The following ANKRD45 variants were observed in gnomAD, a reference collection of about 807,000 sequenced individuals.
The protein encoded by ANKRD45 is ankyrin repeat domain 45, also known as ankyrin repeat domain-containing protein 45.
A neutral mutation model predicts 28.1 loss-of-function variants in ANKRD45; 21 were observed. The ratio of observed to expected loss-of-function variants is 0.75; its 90% CI spans 0.53 to 1.08. The LOEUF is 1.08. Ranked by LOEUF, ANKRD45 falls within the 50% of genes least tolerant of loss-of-function variation. ANKRD45 has a pLI of 0.00. For missense variants in ANKRD45, 261 were observed against 308.7 expected (o/e 0.85, Z 1.16); for synonymous variants, 86 against 103.9 (o/e 0.83, Z 1.05).
At chr1:173,666,273 G>C (rs1670013192) in intron 1 of ANKRD45, among the ~76,000 whole-genome samples, 1 of 152,048 alleles carries the variant, frequency 6.6e-6, no homozygotes, top group Non-Finnish European at 1.5e-5. Context: ...TGGCTCTCCT[G>C]GATCTCCAGC....
At chr1:173,627,817 C>T (rs1019152392) in intron 3 of ANKRD45, among the ~76,000 whole-genome samples, 1 of 151,952 alleles carries the variant, frequency 6.6e-6, no homozygotes, top group Non-Finnish European at 1.5e-5. Flanking sequence ...GTGCTTGCCA[C>T]CGCTCTGCCA....
intron 5 of ANKRD45, among the ~76,000 whole-genome samples, chr1:173,615,432 G>A (rs768349637): frequency 4.6e-5 from 7 of 151,394 alleles, no homozygotes; most frequent in East Asian, 1.9e-4. Flanking sequence ...GCTGAAGTGC[G>A]GTCTAGTGCT....
At chr1:173,635,368 G>T (rs1196656202) in intron 3 of ANKRD45, 2 of 626,120 alleles carry the variant, frequency 3.2e-6, no homozygotes, top group Admixed American at 6.0e-5. Context: ...GTTATATGAA[G>T]TGCTTTTATT....
intron 3 of ANKRD45, among the ~76,000 whole-genome samples, chr1:173,630,451 C>T (rs907184326): frequency 2.0e-5 from 3 of 152,112 alleles, no homozygotes; most frequent in African/African-American, 7.2e-5. Flanking sequence ...ATTTGTTTTT[C>T]TCTTTGCTTG....
the ANKRD45 span, among the ~76,000 whole-genome samples, chr1:173,699,921 C>T: frequency 6.6e-5 from 10 of 152,184 alleles, 1 homozygote; most frequent in South Asian, 4.2e-4. Flanking sequence ...TTTAGAAAAC[C>T]GCATCATCTC....
chr1:173,682,353 T>C, the ANKRD45 span, among the ~76,000 whole-genome samples: 1 of 152,146 alleles, frequency 6.6e-6, no homozygotes, highest in African/African-American at 2.4e-5. Context: ...AATAACTACT[T>C]AAGTCAGCAA....
intron 5 of ANKRD45, among the ~76,000 whole-genome samples, chr1:173,610,581 A>G (rs1228051603): frequency 6.6e-6 from 1 of 152,128 alleles, no homozygotes; most frequent in African/African-American, 2.4e-5. Context: ...CTTAGAGAAC[A>G]TGTGATATAG....
intron 5 of ANKRD45, among the ~76,000 whole-genome samples, chr1:173,621,402 C>A (rs1336968475): frequency 6.6e-6 from 1 of 152,118 alleles, no homozygotes; most frequent in Admixed American, 6.5e-5. Context: ...ATACAAAAAT[C>A]CTCAATAAAA....
At chr1:173,635,641 A>G in intron 3 of ANKRD45, 1 of 1,535,708 alleles carries the variant, frequency 6.5e-7, no homozygotes, top group Non-Finnish European at 8.7e-7. Context: ...TTCTTCCAGA[A>G]GAAGTACATT....
chr1:173,692,112 A>G, the ANKRD45 span, among the ~76,000 whole-genome samples: 1 of 152,182 alleles, frequency 6.6e-6, no homozygotes, highest in Non-Finnish European at 1.5e-5. Context: ...TGGAGTAGGT[A>G]GTCGAAAAAA....
chr1:173,713,937 A>T, the ANKRD45 span, among the ~76,000 whole-genome samples: 1 of 152,170 alleles, frequency 6.6e-6, no homozygotes, highest in African/African-American at 2.4e-5. Context: ...CAATCCCTAT[A>T]CCTTGATAAA....
At chr1:173,620,998 A>C (rs1400034438) in intron 5 of ANKRD45, among the ~76,000 whole-genome samples, 4 of 152,040 alleles carry the variant, frequency 2.6e-5, no homozygotes, top group Admixed American at 1.3e-4. Context: ...ATTCCACATC[A>C]AAACAACCAT....
intron 3 of ANKRD45, chr1:173,637,074 A>C (rs1455095437): frequency 7.8e-7 from 1 of 1,283,344 alleles, no homozygotes; most frequent in Non-Finnish European, 1.1e-6. Flanking sequence ...TCAATTATAG[A>C]TATCACAAAA....
Position 173,619,252 on chromosome 1 carries a change from A to G in ANKRD45, c.730+5535T>C, listed in dbSNP as rs192453130. The stretch of plus-strand genomic sequence containing the variant: ...AACAAGTCTGCAAAAATAACCAGCT[A>G]GCATCATGATGACAGGATCAAATTC... On this transcript the variant is annotated intron_variant, in intron 5 of 5. Coordinates refer to ENST00000333279, the MANE Select transcript of ANKRD45 (RefSeq NM_198493.3). Among the ~76,000 whole-genome samples the G allele has an allele frequency of 2.0e-3, 302 of 152,354 alleles. 2 individuals carry two copies. Among genetic ancestry groups the G allele is most frequent in the South Asian group, 1.9e-3 (9 of 4,830 alleles).
At position 173,608,507 on chromosome 1, in the gene ANKRD45, CAG is replaced by C. The variant is rs1382252634; in HGVS notation, c.*1636_*1637del. Among the ~76,000 whole-genome samples the C allele has an allele frequency of 6.6e-6, 1 of 151,824 alleles. No homozygotes were observed. Among genetic ancestry groups the C allele is most frequent in the African/African-American group, 2.4e-5 (1 of 41,344 alleles). On this transcript the variant is annotated 3_prime_UTR_variant, in exon 6 of 6. Transcript: ENST00000333279. The stretch of plus-strand genomic sequence containing the variant: ...TAAATTTTTGTATTTTTAGTAGAGA[CAG>C]GGTTTCACCATGTTGGCCAGGCTTG...
chr1:173,632,513 C>T (rs1016379203), intron 3 of ANKRD45, among the ~76,000 whole-genome samples: 4 of 149,252 alleles, frequency 2.7e-5, no homozygotes, highest in African/African-American at 4.9e-5. Context: ...ATATGAAAAC[C>T]GGACAAAGAC....
chr1:173,614,017 T>C (rs1487747702), intron 5 of ANKRD45, among the ~76,000 whole-genome samples: 1 of 152,174 alleles, frequency 6.6e-6, no homozygotes, highest in African/African-American at 2.4e-5. Flanking sequence ...CTCAGGGTTA[T>C]ATGGATTAAG....
chr1:173,670,749 G>A (rs989880540), upstream of ANKRD45, among the ~76,000 whole-genome samples: 1 of 152,180 alleles, frequency 6.6e-6, no homozygotes, highest in Non-Finnish European at 1.5e-5. Context: ...ATAATTGGTT[G>A]CAGCCAATGC....
At chr1:173,635,551 T>C (rs1668392082) in intron 3 of ANKRD45, 1 of 1,532,524 alleles carries the variant, frequency 6.5e-7, no homozygotes, top group African/African-American at 1.4e-5. Context: ...CGCTGATTTT[T>C]TCTCTGTTGT....
Sources: allele counts gnomAD v4.1 joint callset (sites outside exome capture counted in the v4.1 genomes callset), GRCh38; gene constraint gnomAD v4.1.1; transcripts MANE v1.5; gene names NCBI Gene and HGNC (gene_info 2026-07-23, HGNC 2026-07-21).